The following CCDC60 variants were observed in gnomAD, a reference collection of about 807,000 sequenced individuals.
The protein encoded by CCDC60 is coiled-coil domain containing 60.
In CCDC60, 54 loss-of-function variants were observed where a neutral mutation model predicts 63.5. That is an observed-to-expected ratio of 0.85 (90% CI 0.68 to 1.07). The LOEUF (loss-of-function observed/expected upper bound fraction) is 1.07. Among genes scored for constraint, CCDC60 ranks in the 50% least tolerant of loss-of-function variants. The pLI, the probability that CCDC60 is intolerant of heterozygous loss-of-function variation, is 0.00. For missense variants in CCDC60, 651 were observed against 684.3 expected, an observed-to-expected ratio of 0.95 and a Z score of 0.54; for synonymous variants, 206 against 238.8, an observed-to-expected ratio of 0.86 and a Z score of 1.27.
intron 2 of CCDC60, 125 bp downstream of exon 2, chr12:119,428,887 T>C: frequency 1.6e-6 from 1 of 623,046 alleles, no homozygotes; most frequent in South Asian, 2.1e-5. Context: ...AGCAGAAGAC[T>C]TACAGGAGGG....
rs373048937 is a variant in CCDC60 at position 119,479,129 on chromosome 12, C to G, written c.377C>G (p.Ala126Gly). Reference sequence around the variant, plus strand: ...GATGAGAAGTTGAAGACACTGGGAGCTAGAGTCACACGTCGCCCATTCACT... The same window carrying G: ...GATGAGAAGTTGAAGACACTGGGAGGTAGAGTCACACGTCGCCCATTCACT... The part of the protein sequence containing the change: ...YDDEKLKTLG[A>G]RVTRRPFTPI... The change falls in exon 4 of 14, where the codon GCT (alanine) becomes GGT (glycine). Residue 126 changes from alanine to glycine, a missense_variant. By Grantham distance (60) the Ala-to-Gly change is moderately conservative. Coordinates refer to ENST00000327554, the MANE Select transcript of CCDC60 (RefSeq NM_178499.5). 2.5e-6 allele frequency: 4 copies of G among 1,613,976 alleles called. No individual in the cohort carries two copies. The highest frequency in any genetic ancestry group is 3.4e-6 in the Non-Finnish European group (4 of 1,179,900).
chr12:119,507,614 A>ATTTTTTTT (rs1184630442), intron 7 of CCDC60, among the ~76,000 whole-genome samples: 1 of 50,498 alleles, frequency 2.0e-5, no homozygotes, highest in African/African-American at 7.9e-5. Flanking sequence ...ATATATATAT[A>ATTTTTTTT]TTTTTTTTTT....
intron 13 of CCDC60, among the ~76,000 whole-genome samples, chr12:119,533,468 G>C (rs1291722327): frequency 1.3e-5 from 2 of 152,166 alleles, no homozygotes; most frequent in African/African-American, 2.4e-5. Flanking sequence ...ATTGCTTTTG[G>C]TGTTTTAGTC....
At chr12:119,488,962 G>T in intron 5 of CCDC60, 96 bp downstream of exon 5, 4 of 1,008,762 alleles carry the variant, frequency 4.0e-6, no homozygotes, top group Non-Finnish European at 6.3e-6. Flanking sequence ...TGCTGTTTTT[G>T]GTAGGTGGGC....
intron 2 of CCDC60, among the ~76,000 whole-genome samples, chr12:119,432,692 C>T (rs1014698786): frequency 8.5e-5 from 13 of 152,280 alleles, no homozygotes; most frequent in Middle Eastern, 3.4e-3. Flanking sequence ...AGTGGCTTGC[C>T]AGCTTGTAAC....
At chr12:119,432,914 C>T (rs1950256152) in intron 2 of CCDC60, among the ~76,000 whole-genome samples, 2 of 152,074 alleles carry the variant, frequency 1.3e-5, no homozygotes, top group Non-Finnish European at 2.9e-5. Flanking sequence ...GAACTCATAC[C>T]TTCCTAATTG....
At chr12:119,540,467 G>A (rs994206432) in intron 13 of CCDC60, 147 bp from the exon 14 acceptor site, 6 of 647,568 alleles carry the variant, frequency 9.3e-6, no homozygotes, top group Non-Finnish European at 1.1e-5. Flanking sequence ...ACCCCAATCT[G>A]ATGCTCCAAG....
At chr12:119,433,926 G>A (rs983509611) in intron 2 of CCDC60, among the ~76,000 whole-genome samples, 2 of 152,180 alleles carry the variant, frequency 1.3e-5, no homozygotes, top group African/African-American at 4.8e-5. Context: ...GACAATCAGG[G>A]TCTCTTTGCA....
At position 119,420,899 on chromosome 12, in the gene CCDC60, G is replaced by A. The variant is rs1203489105; in HGVS notation, c.91-7784G>A. ...AAAACCACCAAAAACTTAAACATCC[G>A]TGTGCAAGCTAAGGTCTCCGGGTTC... On this transcript the variant is annotated intron_variant, in intron 1 of 13. Coordinates refer to ENST00000327554, the MANE Select transcript of CCDC60 (RefSeq NM_178499.5). The surrounding 1 kb of genome is among the most constrained non-coding windows in gnomAD (Gnocchi z 4.1). 4.6e-5 allele frequency among the ~76,000 whole-genome samples: 7 copies of A among 152,224 alleles called. No homozygotes were observed. Among genetic ancestry groups the A allele is most frequent in the South Asian group, 2.1e-4 (1 of 4,826 alleles).
chr12:119,503,813 C>A (rs971702960), intron 6 of CCDC60, among the ~76,000 whole-genome samples: 1 of 152,124 alleles, frequency 6.6e-6, no homozygotes, highest in African/African-American at 2.4e-5. Flanking sequence ...TTCTCTCCAC[C>A]CTGCGCAATG....
At chr12:119,338,837 G>A (rs1036190855) in intron 1 of CCDC60, among the ~76,000 whole-genome samples, 4 of 152,252 alleles carry the variant, frequency 2.6e-5, no homozygotes, top group East Asian at 1.9e-4. Flanking sequence ...GTAATATTAA[G>A]AGTCCCCTGC....
chr12:119,344,149 A>C (rs1186158626), intron 1 of CCDC60, among the ~76,000 whole-genome samples: 1 of 152,128 alleles, frequency 6.6e-6, no homozygotes, highest in African/African-American at 2.4e-5. Context: ...TGTCCCTTGC[A>C]TTGCAGGGTG....
intron 1 of CCDC60, among the ~76,000 whole-genome samples, chr12:119,338,610 G>C (rs1014268481): frequency 3.3e-5 from 5 of 152,178 alleles, no homozygotes. Flanking sequence ...ATAAATGGTT[G>C]TTCTGTTCAA....
At chr12:119,376,578 G>A (rs35143406) in intron 1 of CCDC60, among the ~76,000 whole-genome samples, 29,476 of 152,022 alleles carry the variant, frequency 0.19, 3,492 homozygotes, top group Non-Finnish European at 0.27. Context: ...CAGTGAGCCA[G>A]AATTGAGTCA....
chr12:119,493,172 C>T (rs983675589), intron 5 of CCDC60, among the ~76,000 whole-genome samples: 1 of 152,126 alleles, frequency 6.6e-6, no homozygotes, highest in African/African-American at 2.4e-5. Context: ...AGCATTTTGA[C>T]ACTTAAACCC....
intron 2 of CCDC60, among the ~76,000 whole-genome samples, chr12:119,458,739 T>C (rs189268626): frequency 6.6e-6 from 1 of 152,010 alleles, no homozygotes; most frequent in East Asian, 1.9e-4. Context: ...TGTTTTGTTT[T>C]TGTTTTTGTT....
At chr12:119,394,167 A>G (rs1001178710) in intron 1 of CCDC60, among the ~76,000 whole-genome samples, 5 of 152,232 alleles carry the variant, frequency 3.3e-5, no homozygotes, top group African/African-American at 1.2e-4. Flanking sequence ...CAAAGCAAGT[A>G]TTGTTATAAG....
intron 8 of CCDC60, among the ~76,000 whole-genome samples, chr12:119,518,578 T>C (rs1288299517): frequency 6.6e-6 from 1 of 152,238 alleles, no homozygotes; most frequent in Non-Finnish European, 1.5e-5. Flanking sequence ...ATTATCCCTG[T>C]AAAATATTAC....
intron 1 of CCDC60, among the ~76,000 whole-genome samples, chr12:119,396,814 C>T (rs922674648): frequency 6.6e-6 from 1 of 152,226 alleles, no homozygotes. Context: ...CCAGCAGCTC[C>T]AGGCTGCAGT....
Sources: gnomAD v4.1 joint callset for allele counts (sites outside exome capture counted in the v4.1 genomes callset) on GRCh38, gnomAD v4.1.1 for gene constraint, Gnocchi (gnomAD v3.1) non-coding constraint, MANE v1.5 for transcripts, NCBI Gene and HGNC (gene_info 2026-07-23, HGNC 2026-07-21) for gene names.